ADGRA3: variants seen among roughly 807,000 people sequenced by gnomAD.
The protein encoded by ADGRA3 is adhesion G protein-coupled receptor A3.
A neutral mutation model predicts 119.8 loss-of-function variants in ADGRA3; 56 were observed. That is an observed-to-expected ratio of 0.47 (90% CI 0.38 to 0.58). The LOEUF (loss-of-function observed/expected upper bound fraction) is 0.58, where lower values mean the gene tolerates loss of function less well. Among genes scored for constraint, ADGRA3 ranks in the 20% least tolerant of loss-of-function variants. The pLI, the probability that ADGRA3 is intolerant of heterozygous loss-of-function variation, is 0.00. For missense variants in ADGRA3, 1,516 were observed against 1,649.0 expected, an observed-to-expected ratio of 0.92 and a Z score of 1.40; for synonymous variants, 607 against 623.8, an observed-to-expected ratio of 0.97 and a Z score of 0.40.
chr4:22,467,266 A>G (rs2109110969), intron 2 of ADGRA3, among the ~76,000 whole-genome samples: 1 of 152,280 alleles, frequency 6.6e-6, no homozygotes, highest in South Asian at 2.1e-4. Flanking sequence ...CTTCATAATC[A>G]AATGTTTGAT....
At chr4:22,461,466 A>T (rs577577717) in intron 3 of ADGRA3, among the ~76,000 whole-genome samples, 1 of 151,948 alleles carries the variant, frequency 6.6e-6, no homozygotes, top group East Asian at 1.9e-4. Context: ...ATGCCAGCTC[A>T]TTTTCGTATT....
chr4:22,462,590 C>T (rs1431641071), intron 2 of ADGRA3, among the ~76,000 whole-genome samples: 3 of 152,178 alleles, frequency 2.0e-5, no homozygotes, highest in Admixed American at 6.5e-5. Context: ...GCTGGGATTA[C>T]AGGCATGAGC....
rs776038380 is a variant in ADGRA3 at position 22,388,204 on chromosome 4, G to C, written c.3467C>G (p.Ala1156Gly). The change falls in exon 19 of 19, where the codon GCG (alanine) becomes GGG (glycine). Residue 1156 changes from alanine to glycine, a missense_variant. Coordinates refer to ENST00000334304, the MANE Select transcript of ADGRA3 (RefSeq NM_145290.4). ...TGTTCGAAACTGAACTTCTAAAGGC[G>C]CCACGTGCATTTTAATATCATTGTC... Reference protein sequence around the residue: ...SMDNDIKMHVAPLEVQFRTNV... With the variant: ...SMDNDIKMHVGPLEVQFRTNV... 15 of 1,613,852 alleles carry C rather than the reference G, an allele frequency of 9.3e-6. No individual in the cohort carries two copies. The highest frequency in any genetic ancestry group is 1.3e-5 in the Non-Finnish European group (15 of 1,179,988).
chr4:22,412,454 C>T (rs1053775851), intron 14 of ADGRA3, among the ~76,000 whole-genome samples: 1 of 152,082 alleles, frequency 6.6e-6, no homozygotes, highest in African/African-American at 2.4e-5. Context: ...CAAAATGCTC[C>T]AAAATCTAAA....
At chr4:22,489,210 C>T (rs1029642050) in intron 1 of ADGRA3, among the ~76,000 whole-genome samples, 4 of 152,164 alleles carry the variant, frequency 2.6e-5, no homozygotes, top group African/African-American at 9.7e-5. Context: ...ATAAAACCGT[C>T]AGATCTCATG....
intron 3 of ADGRA3, among the ~76,000 whole-genome samples, chr4:22,458,258 C>T (rs1717311691): frequency 4.6e-5 from 7 of 152,146 alleles, no homozygotes. Context: ...GACAGAAGCA[C>T]AAAGAAAGTG....
At position 22,387,941 on chromosome 4, in the gene ADGRA3, T is replaced by C. The variant is rs754265789; in HGVS notation, c.3730A>G (p.Ser1244Gly). 6.2e-7 allele frequency: 1 copy of C among 1,614,194 alleles called. No individual in the cohort carries two copies. Residue 1244 changes from serine to glycine, a missense_variant, in exon 19 of 19, where the codon AGC (serine) becomes GGC (glycine). Transcript: ENST00000334304. ...TTTCTGCTACTTTTGGGAAGTGTGC[T>C]ACAAGCATCGCTGCTGTCTTGCTGG... ...PPQQDSSDAC[S>G]TLPKSSRNFE...
intron 2 of ADGRA3, among the ~76,000 whole-genome samples, chr4:22,472,815 T>C (rs1717901819): frequency 6.6e-6 from 1 of 152,164 alleles, no homozygotes; most frequent in Admixed American, 6.5e-5. Context: ...CAGTGTGTTA[T>C]TCCACAGAAA....
intron 10 of ADGRA3, among the ~76,000 whole-genome samples, chr4:22,428,198 A>C (rs1716019567): frequency 6.6e-6 from 1 of 152,128 alleles, no homozygotes; most frequent in Non-Finnish European, 1.5e-5. Context: ...TGTGACTTGG[A>C]GTTAAATACT....
chr4:22,488,597 T>G (rs1407377704), intron 1 of ADGRA3, among the ~76,000 whole-genome samples: 1 of 147,978 alleles, frequency 6.8e-6, no homozygotes, highest in Non-Finnish European at 1.5e-5. Flanking sequence ...GCATGGCTAC[T>G]TCGGGGATCT....
At chr4:22,445,215 G>A in intron 5 of ADGRA3, 82 bp from the exon 6 acceptor site, 1 of 1,250,676 alleles carries the variant, frequency 8.0e-7, no homozygotes. Flanking sequence ...TACATTTCTG[G>A]TGGCAAGCAC....
chr4:22,396,837 T>G (rs1256058435), intron 16 of ADGRA3, among the ~76,000 whole-genome samples: 2 of 152,176 alleles, frequency 1.3e-5, no homozygotes, highest in Non-Finnish European at 2.9e-5. Context: ...ATTCCTCTCT[T>G]TTTCCATTTA....
chr4:22,499,975 T>C (rs954525040), intron 1 of ADGRA3, among the ~76,000 whole-genome samples: 2 of 152,188 alleles, frequency 1.3e-5, no homozygotes, highest in African/African-American at 2.4e-5. Context: ...TACTTACAGG[T>C]TGAGCATCCC....
At chr4:22,405,562 AATT>A (rs1714882960) in intron 14 of ADGRA3, among the ~76,000 whole-genome samples, 1 of 151,328 alleles carries the variant, frequency 6.6e-6, no homozygotes, top group South Asian at 2.1e-4. Context: ...AAAAAAAAAA[AATT>A]AAATTAAAAT....
At chr4:22,451,965 C>A (rs1471250081) in intron 4 of ADGRA3, among the ~76,000 whole-genome samples, 1 of 152,180 alleles carries the variant, frequency 6.6e-6, no homozygotes, top group African/African-American at 2.4e-5. Context: ...TATCATCCTT[C>A]ACAACTGGCA....
intron 10 of ADGRA3, among the ~76,000 whole-genome samples, chr4:22,428,361 G>T (rs1716025609): frequency 7.1e-6 from 1 of 140,364 alleles, no homozygotes; most frequent in African/African-American, 2.6e-5. Context: ...AAAAAAAAAA[G>T]CAGAAGACAA....
intron 1 of ADGRA3, among the ~76,000 whole-genome samples, chr4:22,488,062 A>C (rs984474810): frequency 4.6e-5 from 7 of 152,160 alleles, no homozygotes; most frequent in African/African-American, 1.7e-4. Context: ...TCTGACCTTC[A>C]GTGCCGGAAT....
intron 7 of ADGRA3, among the ~76,000 whole-genome samples, chr4:22,441,747 T>C (rs941299940): frequency 2.0e-5 from 3 of 152,120 alleles, no homozygotes; most frequent in Admixed American, 6.6e-5. Context: ...GCCCACATGT[T>C]GGAATTAGCA....
chr4:22,450,951 AAT>A (rs1310599032), intron 4 of ADGRA3, among the ~76,000 whole-genome samples: 232 of 122,778 alleles, frequency 1.9e-3, no homozygotes, highest in African/African-American at 2.9e-3. Flanking sequence ...AAAAAAAAAA[AAT>A]ATATATATAT....
Sources: allele counts gnomAD v4.1 joint callset (sites outside exome capture counted in the v4.1 genomes callset), GRCh38; gene constraint gnomAD v4.1.1; transcripts MANE v1.5; gene names NCBI Gene and HGNC (gene_info 2026-07-23, HGNC 2026-07-21).